Variants in LRFN5 observed in about 807,000 individuals in gnomAD.
LRFN5 encodes leucine-rich repeat and fibronectin type-III domain-containing protein 5.
LRFN5 carries 24 observed loss-of-function variants against 45.6 expected under a neutral mutation model. That is an observed-to-expected ratio of 0.53 (90% CI 0.38 to 0.74). The LOEUF is 0.74. LRFN5 is among the 30% of genes least tolerant of loss of function. LRFN5 has a pLI of 0.00. For missense variants in LRFN5, 776 were observed against 861.5 expected (o/e 0.90, Z 1.24); for synonymous variants, 340 against 313.8 (o/e 1.08, Z -0.88).
intron 1 of LRFN5, among the ~76,000 whole-genome samples, chr14:41,710,686 T>C (rs1333235735): frequency 6.6e-6 from 1 of 152,204 alleles, no homozygotes; most frequent in African/African-American, 2.4e-5. Flanking sequence ...TTGTTACATA[T>C]GTATACACAT....
chr14:41,649,434 CT>C (rs1234456950), intron 1 of LRFN5, among the ~76,000 whole-genome samples: 2 of 152,024 alleles, frequency 1.3e-5, no homozygotes, highest in African/African-American at 2.4e-5. Context: ...TAATATTTAG[CT>C]GTTAAGATAC....
intron 1 of LRFN5, among the ~76,000 whole-genome samples, chr14:41,763,956 A>G (rs1161337095): frequency 5.9e-5 from 9 of 152,228 alleles, no homozygotes. Context: ...TATGCTAAGA[A>G]TGTAACAACT....
Position 41,887,821 on chromosome 14 carries a change from C to T in LRFN5, c.1196C>T (p.Thr399Ile), listed in dbSNP as rs759074977. The change falls in exon 3 of 6, where the codon ACT becomes ATT. Residue 399 changes from threonine to isoleucine, a missense_variant. Physicochemically the swap from Thr to Ile is moderately conservative, Grantham distance 89. Coordinates refer to ENST00000298119, the MANE Select transcript of LRFN5 (RefSeq NM_152447.5). The surrounding 1 kb of genome is among the most constrained non-coding windows in gnomAD (Gnocchi z 4.8). ...EPDPGSSDIS[T>I]STKSGSNTSS... ...GATCCTGGTTCTTCAGATATCTCAA[C>T]TTCTACCAAGTCAGGTTCTAATACA... 6.2e-7 allele frequency: 1 copy of T among 1,614,012 alleles called. No individual in the cohort carries two copies. The highest frequency in any genetic ancestry group is 1.7e-5 in the Admixed American group (1 of 60,010).
rs1887500965 is a variant in LRFN5 at position 41,606,889 on chromosome 14, C to T, written c.-1870C>T. 6.6e-6 allele frequency among the ~76,000 whole-genome samples: 1 copy of T among 151,936 alleles called. No individual in the cohort carries two copies. Among genetic ancestry groups the T allele is most frequent in the East Asian group, 1.9e-4 (1 of 5,150 alleles). Reference sequence around the variant, plus strand: ...GCGCCCGCCGCCGCCGCCGCCGCCGCCTTCATGCTGCAGCGCAGGGCTCAG... The same window carrying T: ...GCGCCCGCCGCCGCCGCCGCCGCCGTCTTCATGCTGCAGCGCAGGGCTCAG... On this transcript the variant is annotated 5_prime_UTR_variant, in exon 1 of 6. Transcript: ENST00000298119.
At chr14:41,847,648 A>G (rs1349304633) in intron 2 of LRFN5, among the ~76,000 whole-genome samples, 1 of 152,044 alleles carries the variant, frequency 6.6e-6, no homozygotes, top group African/African-American at 2.4e-5. Flanking sequence ...TTCCGATGAG[A>G]AAATCAAAGT....
In LRFN5 at chr14:41,872,603, T is replaced by C. The variant is rs183749872; in HGVS notation, c.-20-14003T>C. Among the ~76,000 whole-genome samples, 836 of 152,312 alleles carry C rather than the reference T, an allele frequency of 5.5e-3. 7 individuals are homozygous for C. Among genetic ancestry groups the C allele is most frequent in the Non-Finnish European group, 8.1e-3 (554 of 68,026 alleles). The stretch of plus-strand genomic sequence containing the variant: ...TTCAAGATTACCTTAATGTCCCAGT[T>C]TGGTGCTAGGGTTCCACACATTATA... On this transcript the variant is annotated intron_variant, in intron 2 of 5. Coordinates refer to ENST00000298119, the MANE Select transcript of LRFN5 (RefSeq NM_152447.5).
chr14:41,798,661 G>T (rs1429834941), intron 2 of LRFN5, among the ~76,000 whole-genome samples: 1 of 151,936 alleles, frequency 6.6e-6, no homozygotes, highest in Non-Finnish European at 1.5e-5. Context: ...AAATTATCTT[G>T]TATTAGTTTG....
chr14:41,638,390 G>T (rs573187384), intron 1 of LRFN5, among the ~76,000 whole-genome samples: 1 of 152,134 alleles, frequency 6.6e-6, no homozygotes, highest in East Asian at 1.9e-4. Flanking sequence ...CTGTCAGAGG[G>T]GCAGCTGTGT....
chr14:41,755,695 C>T (rs780738583), intron 1 of LRFN5, among the ~76,000 whole-genome samples: 5 of 152,212 alleles, frequency 3.3e-5, no homozygotes, highest in Admixed American at 6.5e-5. Context: ...ATACAGCACA[C>T]TGATGGGCCT....
At chr14:41,794,340 T>C (rs533325566) in intron 2 of LRFN5, among the ~76,000 whole-genome samples, 30 of 152,204 alleles carry the variant, frequency 2.0e-4, no homozygotes, top group African/African-American at 6.7e-4. Context: ...TTTATTCTTG[T>C]AAATTATTCT....
At chr14:41,752,445 A>G (rs1344862705) in intron 1 of LRFN5, among the ~76,000 whole-genome samples, 1 of 152,108 alleles carries the variant, frequency 6.6e-6, no homozygotes, top group Non-Finnish European at 1.5e-5. Context: ...TGACTTTTTA[A>G]TGATTGCCAT....
At chr14:41,781,620 A>AAGAGAG (rs1174265103) in intron 2 of LRFN5, among the ~76,000 whole-genome samples, 3 of 99,720 alleles carry the variant, frequency 3.0e-5, no homozygotes, top group Admixed American at 9.6e-5. Flanking sequence ...AAGAAAGAGA[A>AAGAGAG]AGAAAGAAAG....
In LRFN5 at chr14:41,897,795, G is replaced by C. The variant is rs2181736; in HGVS notation, c.2099-1122G>C. Reference sequence around the variant, plus strand: ...GTTCATGATGTCTGAAAACAAAAACGAAATATTTTCAAATTCATTAAGGAA... The same window carrying C: ...GTTCATGATGTCTGAAAACAAAAACCAAATATTTTCAAATTCATTAAGGAA... On this transcript the variant is annotated intron_variant, in intron 4 of 5. Transcript: ENST00000298119. 8.6e-5 allele frequency among the ~76,000 whole-genome samples: 13 copies of C among 151,914 alleles called. No individual in the cohort carries two copies. In the South Asian group the frequency reaches 2.5e-3, roughly 29 times the overall value.
intron 2 of LRFN5, among the ~76,000 whole-genome samples, chr14:41,879,587 T>C (rs955399303): frequency 2.0e-5 from 3 of 151,346 alleles, no homozygotes; most frequent in Non-Finnish European, 2.9e-5. Context: ...ACATAACTGA[T>C]ATGCTATATA....
intron 1 of LRFN5, among the ~76,000 whole-genome samples, chr14:41,727,246 T>C (rs1883975209): frequency 6.6e-6 from 1 of 152,198 alleles, no homozygotes; most frequent in Non-Finnish European, 1.5e-5. Flanking sequence ...TACTGGTAAC[T>C]ATCTTAAACG....
intron 2 of LRFN5, among the ~76,000 whole-genome samples, chr14:41,870,593 C>T (rs1343020929): frequency 6.6e-6 from 1 of 152,112 alleles, no homozygotes; most frequent in Non-Finnish European, 1.5e-5. Context: ...GGAAAATCCA[C>T]CCCCAATGGG....
At chr14:41,893,365 A>C (rs998016098) in intron 4 of LRFN5, 1 of 874,774 alleles carries the variant, frequency 1.1e-6, no homozygotes, top group African/African-American at 3.8e-5. Flanking sequence ...AAAGATCTAT[A>C]AACAGTTACC....
rs76662789 is a variant in LRFN5, at chr14:41,648,765, C to T, written c.-197+40203C>T. Among the ~76,000 whole-genome samples the T allele has an allele frequency of 7.0e-3, 1,064 of 152,054 alleles. 6 individuals carry two copies. Among genetic ancestry groups the T allele is most frequent in the Middle Eastern group, 0.034 (10 of 294 alleles). On this transcript the variant is annotated intron_variant, in intron 1 of 5. Transcript: ENST00000298119. ...TCCGCCCTCCCCTTACAGAGGCATC[C>T]ACTTTTGTTTTTTTTTGGAACATAA...
intron 2 of LRFN5, among the ~76,000 whole-genome samples, chr14:41,811,980 G>A (rs2021118): frequency 0.35 from 53,642 of 151,806 alleles, 10,200 homozygotes; most frequent in East Asian, 0.69. Flanking sequence ...TAAATATGGA[G>A]TATAAGATAA....
Sources: gnomAD v4.1 joint callset for allele counts (sites outside exome capture counted in the v4.1 genomes callset) on GRCh38, gnomAD v4.1.1 for gene constraint, Gnocchi (gnomAD v3.1) non-coding constraint, MANE v1.5 for transcripts, NCBI Gene and HGNC (gene_info 2026-07-23, HGNC 2026-07-21) for gene names.